Variants in APBB2 observed in about 807,000 individuals in gnomAD.
APBB2 encodes the protein amyloid beta precursor protein binding family B member 2.
Under a neutral mutation model 82.5 loss-of-function variants are expected in APBB2, and 38 were observed. The observed-to-expected ratio is 0.46, with a 90% confidence interval of 0.36 to 0.60. APBB2 has a LOEUF of 0.60. Ranked by LOEUF, APBB2 falls within the 20% of genes least tolerant of loss-of-function variation. The pLI, the probability that APBB2 is intolerant of heterozygous loss-of-function variation, is 0.00. For missense variants in APBB2, 772 were observed against 972.3 expected, an observed-to-expected ratio of 0.79 and a Z score of 2.74; for synonymous variants, 341 against 368.2, an observed-to-expected ratio of 0.93 and a Z score of 0.85.
chr4:41,191,757 A>T (rs1320057614), intron 1 of APBB2, among the ~76,000 whole-genome samples: 1 of 152,206 alleles, frequency 6.6e-6, no homozygotes, highest in Non-Finnish European at 1.5e-5. Context: ...TCATAAAAGC[A>T]AAAATTAATA....
intron 1 of APBB2, among the ~76,000 whole-genome samples, chr4:41,187,263 A>T (rs1323097151): frequency 1.3e-5 from 2 of 152,192 alleles, no homozygotes; most frequent in African/African-American, 2.4e-5. Flanking sequence ...GTGATTTTTT[A>T]AAAAATGGCT....
intron 13 of APBB2, 89 bp from the exon 14 acceptor site, chr4:40,827,308 C>A: frequency 9.0e-7 from 1 of 1,114,892 alleles, no homozygotes; most frequent in Non-Finnish European, 1.4e-6. Flanking sequence ...AGGTTGACTT[C>A]ACTTCCAAGT....
intron 12 of APBB2, among the ~76,000 whole-genome samples, chr4:40,885,547 G>A (rs1316910668): frequency 1.3e-5 from 2 of 152,186 alleles, no homozygotes; most frequent in Admixed American, 6.5e-5. Flanking sequence ...CACTTTCACT[G>A]TTCTTCGTGC....
intron 4 of APBB2, among the ~76,000 whole-genome samples, chr4:41,049,271 G>GGCA (rs1430075182): frequency 6.4e-4 from 95 of 148,710 alleles, no homozygotes; most frequent in African/African-American, 2.3e-3. Context: ...GTCTCTGCCC[G>GGCA]GCCGCCCCGT....
intron 6 of APBB2, among the ~76,000 whole-genome samples, chr4:40,993,615 T>C (rs1163235569): frequency 6.6e-6 from 1 of 151,994 alleles, no homozygotes; most frequent in African/African-American, 2.4e-5. Flanking sequence ...CTCAAACTCC[T>C]GGCCTCAAGC....
At chr4:41,176,784 AAGCATTTT>A (rs1769907959) in intron 1 of APBB2, among the ~76,000 whole-genome samples, 1 of 152,184 alleles carries the variant, frequency 6.6e-6, no homozygotes, top group Non-Finnish European at 1.5e-5. Context: ...TTATTTCATA[AAGCATTTT>A]GGGTTAACAA....
intron 10 of APBB2, among the ~76,000 whole-genome samples, chr4:40,915,713 GAGA>G (rs1203614016): frequency 5.9e-5 from 9 of 152,080 alleles, no homozygotes; most frequent in African/African-American, 1.2e-4. Context: ...CAACCCCAGA[GAGA>G]AGATTTATGA....
intron 12 of APBB2, among the ~76,000 whole-genome samples, chr4:40,887,114 G>A (rs1770546664): frequency 6.6e-6 from 1 of 152,186 alleles, no homozygotes. Context: ...GCTGTTCATA[G>A]TAAGAGGTCT....
chr4:40,871,468 TCTTC>T (rs1489857315), intron 12 of APBB2, among the ~76,000 whole-genome samples: 1 of 152,244 alleles, frequency 6.6e-6, no homozygotes, highest in Non-Finnish European at 1.5e-5. Flanking sequence ...TGAAGTTTCC[TCTTC>T]CTTCCCTCAT....
Position 41,010,572 on chromosome 4 carries a change from G to C in APBB2, c.835+3011C>G, listed in dbSNP as rs1339358689. ...TTCAAGAGTCCCAGTAGGTAGACTG[G>C]AGTGCACAAACTTTGCCCTCTCCAC... On this transcript the variant is annotated intron_variant, in intron 6 of 17. Coordinates refer to ENST00000508593, the MANE Select transcript of APBB2 (RefSeq NM_004307.2). 1.1e-4 allele frequency among the ~76,000 whole-genome samples: 16 copies of C among 152,226 alleles called. No homozygotes were observed. The South Asian group carries it at 1.2e-3, about 12-fold the overall frequency.
At chr4:41,016,871 T>C (rs894876141) in intron 5 of APBB2, among the ~76,000 whole-genome samples, 1 of 152,012 alleles carries the variant, frequency 6.6e-6, no homozygotes, top group Non-Finnish European at 1.5e-5. Flanking sequence ...TACGTACTTA[T>C]TACTTTTGAG....
chr4:40,902,910 G>A (rs571494014), intron 10 of APBB2, among the ~76,000 whole-genome samples: 19 of 152,304 alleles, frequency 1.2e-4, no homozygotes, highest in East Asian at 1.9e-4. Context: ...GGAGGCTGAC[G>A]CAGGAGGATC....
chr4:41,005,869 G>A (rs1382865407), intron 6 of APBB2, among the ~76,000 whole-genome samples: 1 of 152,170 alleles, frequency 6.6e-6, no homozygotes, highest in Non-Finnish European at 1.5e-5. Context: ...TCAATCTCCA[G>A]CACAGATAAC....
At chr4:41,009,578 T>C (rs1807745269) in intron 6 of APBB2, among the ~76,000 whole-genome samples, 1 of 152,208 alleles carries the variant, frequency 6.6e-6, no homozygotes. Context: ...AGGATGCCCC[T>C]GAGGTAGAAA....
Position 41,208,207 on chromosome 4 carries a change from C to G in APBB2, c.-417+6198G>C, listed in dbSNP as rs529195484. Reference sequence around the variant, plus strand: ...CCCTCTGGAATTCCGCAAAGTCTCTCCAATCTATCTCACCCTCTTAAACAC... The same window carrying G: ...CCCTCTGGAATTCCGCAAAGTCTCTGCAATCTATCTCACCCTCTTAAACAC... On this transcript the variant is annotated intron_variant, in intron 1 of 17. Transcript: ENST00000508593. Among the ~76,000 whole-genome samples, 27 of 152,290 alleles carry G rather than the reference C, an allele frequency of 1.8e-4. No homozygotes were observed. In the East Asian group the frequency reaches 5.2e-3, roughly 29 times the overall value.
chr4:41,074,409 G>A (rs7692276), intron 3 of APBB2, among the ~76,000 whole-genome samples: 30,699 of 151,848 alleles, frequency 0.2, 3,988 homozygotes, highest in East Asian at 0.59. Context: ...TCAGAGCAGC[G>A]ACACTTCTAG....
chr4:41,184,825 T>C (rs1015684389), intron 1 of APBB2, among the ~76,000 whole-genome samples: 4 of 152,036 alleles, frequency 2.6e-5, no homozygotes, highest in Admixed American at 2.6e-4. Context: ...CTCTGAGAGG[T>C]GACATTCACT....
chr4:41,172,298 C>G (rs1336153550), intron 1 of APBB2, among the ~76,000 whole-genome samples: 1 of 151,902 alleles, frequency 6.6e-6, no homozygotes, highest in African/African-American at 2.4e-5. Flanking sequence ...ACCGTACCCT[C>G]ATCTAGACTG....
chr4:41,072,626 T>C (rs1449615929), intron 3 of APBB2, among the ~76,000 whole-genome samples: 2 of 152,204 alleles, frequency 1.3e-5, no homozygotes, highest in Admixed American at 6.5e-5. Context: ...TCTTGGTTCT[T>C]AGGGAATTCA....
Sources: allele counts gnomAD v4.1 joint callset (sites outside exome capture counted in the v4.1 genomes callset), GRCh38; gene constraint gnomAD v4.1.1; transcripts MANE v1.5; gene names NCBI Gene and HGNC (gene_info 2026-07-23, HGNC 2026-07-21).